GRK5: variants seen among roughly 807,000 people sequenced by gnomAD.
GRK5 encodes G protein-coupled receptor kinase 5.
In GRK5, 40 loss-of-function variants were observed where a neutral mutation model predicts 78.4. That is an observed-to-expected ratio of 0.51 (90% CI 0.40 to 0.66). The LOEUF is 0.66. Among genes scored for constraint, GRK5 ranks in the 30% least tolerant of loss-of-function variants. The pLI, the probability that GRK5 is intolerant of heterozygous loss-of-function variation, is 0.00. For synonymous variants in GRK5, 289 were observed against 296.8 expected, an observed-to-expected ratio of 0.97 and a Z score of 0.27; for missense variants, 598 against 759.9, an observed-to-expected ratio of 0.79 and a Z score of 2.50.
At chr10:119,269,348 A>G (rs1487314166) in intron 1 of GRK5, among the ~76,000 whole-genome samples, 1 of 152,088 alleles carries the variant, frequency 6.6e-6, no homozygotes, top group African/African-American at 2.4e-5. Flanking sequence ...GGAGCCCCCA[A>G]ACCCATGGAA....
intron 1 of GRK5, among the ~76,000 whole-genome samples, chr10:119,218,073 T>TG (rs1170442517): frequency 1.4e-5 from 2 of 146,666 alleles, no homozygotes; most frequent in African/African-American, 5.4e-5. Context: ...TGTCAACCCG[T>TG]TTGTGTGTGT....
intron 1 of GRK5, among the ~76,000 whole-genome samples, chr10:119,309,968 G>A (rs1850332217): frequency 6.6e-6 from 1 of 152,112 alleles, no homozygotes. Flanking sequence ...AGGGTCATGA[G>A]GCCCAGAGAC....
chr10:119,252,554 C>T (rs752927841), intron 1 of GRK5, among the ~76,000 whole-genome samples: 59 of 152,102 alleles, frequency 3.9e-4, no homozygotes, highest in Non-Finnish European at 7.4e-4. Context: ...AGTTCTACCC[C>T]GGGTAGCAGC....
intron 1 of GRK5, among the ~76,000 whole-genome samples, chr10:119,295,136 G>C (rs1217327898): frequency 1.3e-5 from 2 of 149,604 alleles, no homozygotes; most frequent in Non-Finnish European, 3.0e-5. Context: ...GTTGCAGTGA[G>C]CCGAGATCGC....
At chr10:119,223,254 A>G (rs1042719327) in intron 1 of GRK5, among the ~76,000 whole-genome samples, 2 of 152,082 alleles carry the variant, frequency 1.3e-5, no homozygotes, top group African/African-American at 4.8e-5. Flanking sequence ...GTGCTATTGG[A>G]TCATGGCCCA....
intron 1 of GRK5, among the ~76,000 whole-genome samples, chr10:119,209,748 A>G (rs1356384855): frequency 6.6e-6 from 1 of 151,972 alleles, no homozygotes; most frequent in Non-Finnish European, 1.5e-5. Flanking sequence ...TTCTTGGGAA[A>G]TCACTGGGTC....
rs372602377 is a variant in GRK5, at chr10:119,442,060, C to T, written c.1029C>T (p.Arg343=). 84 of 1,613,824 alleles carry T rather than the reference C, an allele frequency of 5.2e-5. No individual in the cohort carries two copies. The highest frequency in any genetic ancestry group is 1.5e-4 in the South Asian group (14 of 91,090). ...AGATCCCCGAGGGAGACCTGATCCG[C>T]GGCCGGGTGGGCACTGTTGGCTACA... The part of the protein sequence containing the change: ...AVKIPEGDLI[R]GRVGTVGYMA... The change falls in exon 11 of 16, where the codon CGC becomes CGT. Residue 343 remains arginine (R), a synonymous_variant. Coordinates refer to ENST00000392870, the MANE Select transcript of GRK5 (RefSeq NM_005308.3).
chr10:119,413,866 G>A lies in GRK5; in HGVS notation c.340-9300G>A, dbSNP rs73435086. 7.9e-3 allele frequency among the ~76,000 whole-genome samples: 1,201 copies of A among 152,250 alleles called. 10 individuals are homozygous for A. The highest frequency in any genetic ancestry group is 0.027 in the African/African-American group (1,121 of 41,512). ...GCGCCCACAGCAGCCTCCAGCCCTG[G>A]CTCCTGCTAAAGACCCGACTCCCAC... On this transcript the variant is annotated intron_variant, in intron 4 of 15. Coordinates refer to ENST00000392870, the MANE Select transcript of GRK5 (RefSeq NM_005308.3).
At chr10:119,381,038 C>T in intron 3 of GRK5, 111 bp downstream of exon 3, 1 of 664,054 alleles carries the variant, frequency 1.5e-6, no homozygotes, top group South Asian at 2.1e-5. Flanking sequence ...AATAAACTCA[C>T]TGCTTACAAA....
At chr10:119,261,617 C>T (rs1399891251) in intron 1 of GRK5, among the ~76,000 whole-genome samples, 5 of 152,276 alleles carry the variant, frequency 3.3e-5, no homozygotes, top group Non-Finnish European at 7.3e-5. Flanking sequence ...CCATTGAGCA[C>T]TGAGTGAACC....
At position 119,456,295 on chromosome 10, in the gene GRK5, C is replaced by T. The variant is rs558902875; in HGVS notation, c.*1228C>T. 1 of 152,394 alleles carries T rather than the reference C, an allele frequency of 6.6e-6. No individual in the cohort carries two copies. The highest frequency in any genetic ancestry group is 2.1e-4 in the South Asian group (1 of 4,832). The allele number at this position is 152,394 out of a possible 1,614,324, so 9.4% of individuals were successfully genotyped here. ...GCCACCAAAGGGCTCAAGACAAAGT[C>T]ACTGTTCCTTCCCCAGGAAGGTGGG... is the stretch of plus-strand genomic sequence containing the variant. On this transcript the variant is annotated 3_prime_UTR_variant, in exon 16 of 16. Transcript: ENST00000392870. The surrounding 1 kb of genome is among the most constrained non-coding windows in gnomAD (Gnocchi z 5.5).
At chr10:119,425,338 C>CT (rs1456419710) in intron 6 of GRK5, among the ~76,000 whole-genome samples, 1 of 151,748 alleles carries the variant, frequency 6.6e-6, no homozygotes, top group Non-Finnish European at 1.5e-5. Flanking sequence ...CTCGTTCTTA[C>CT]TTTTTTTACT....
chr10:119,386,704 A>G (rs1315374386), intron 3 of GRK5, among the ~76,000 whole-genome samples: 1 of 152,218 alleles, frequency 6.6e-6, no homozygotes, highest in Non-Finnish European at 1.5e-5. Flanking sequence ...CTTGACGTCA[A>G]ATGACCAGCC....
Position 119,412,908 on chromosome 10 carries a change from G to C in GRK5, c.340-10258G>C, listed in dbSNP as rs574601872. Among the ~76,000 whole-genome samples the C allele has an allele frequency of 1.5e-4, 23 of 152,312 alleles. No individual in the cohort carries two copies. In the East Asian group the frequency reaches 3.9e-3, roughly 26 times the overall value. On this transcript the variant is annotated intron_variant, in intron 4 of 15. Transcript: ENST00000392870. This position sits in a 1 kb window ranked among gnomAD's most constrained non-coding sequence, Gnocchi z 4.3. ...CAGCTGGGTGAGCAGGGCTGAGTGA[G>C]CTCAGGGAATCGGAGCTCGGCGAGA...
At chr10:119,451,938 C>T (rs1853295531) in intron 13 of GRK5, among the ~76,000 whole-genome samples, 1 of 152,210 alleles carries the variant, frequency 6.6e-6, no homozygotes, top group South Asian at 2.1e-4. Flanking sequence ...TCCCTTCACA[C>T]CCCACCTGGG....
intron 1 of GRK5, among the ~76,000 whole-genome samples, chr10:119,288,582 C>T (rs1262871577): frequency 6.6e-6 from 1 of 152,222 alleles, no homozygotes. Flanking sequence ...CACATCTCTG[C>T]TGTACCTCAC....
At chr10:119,319,097 C>A (rs1850540713) in intron 1 of GRK5, among the ~76,000 whole-genome samples, 1 of 152,186 alleles carries the variant, frequency 6.6e-6, no homozygotes, top group Admixed American at 6.5e-5. Flanking sequence ...CCTGCGGGGC[C>A]CCCACCCTCC....
intron 1 of GRK5, among the ~76,000 whole-genome samples, chr10:119,240,443 T>C (rs935006783): frequency 7.2e-5 from 11 of 151,876 alleles, no homozygotes; most frequent in East Asian, 1.9e-4. Context: ...CATCATGATC[T>C]GCCCGCCTCA....
At chr10:119,304,648 G>T (rs148004977) in intron 1 of GRK5, among the ~76,000 whole-genome samples, 14 of 152,320 alleles carry the variant, frequency 9.2e-5, no homozygotes, top group African/African-American at 3.1e-4. Context: ...AGGCCCCTGA[G>T]TCCCGATTTA....
Sources: allele counts gnomAD v4.1 joint callset (sites outside exome capture counted in the v4.1 genomes callset), GRCh38; gene constraint gnomAD v4.1.1; non-coding constraint Gnocchi (gnomAD v3.1); transcripts MANE v1.5; gene names NCBI Gene and HGNC (gene_info 2026-07-23, HGNC 2026-07-21).